The following KLHDC1 variants were observed in gnomAD, a reference collection of about 807,000 sequenced individuals.
The protein encoded by KLHDC1 is kelch domain containing 1.
KLHDC1 carries 53 observed loss-of-function variants against 68.3 expected under a neutral mutation model. The ratio of observed to expected loss-of-function variants is 0.78; its 90% CI spans 0.62 to 0.98. KLHDC1 has a LOEUF of 0.98. KLHDC1 is among the 50% of genes least tolerant of loss of function. The pLI, the probability that KLHDC1 is intolerant of heterozygous loss-of-function variation, is 0.00. For missense variants in KLHDC1, 470 were observed against 492.3 expected, an observed-to-expected ratio of 0.95 and a Z score of 0.43; for synonymous variants, 148 against 159.0, an observed-to-expected ratio of 0.93 and a Z score of 0.52.
Position 49,743,711 on chromosome 14 carries a change from T to C in KLHDC1, c.982-42T>C, listed in dbSNP as rs764254116. On this transcript the variant is annotated intron_variant, in intron 11 of 12. Transcript: ENST00000359332. ...ACATTCAATTATTAACTCATTGTTA[T>C]TTTTATCAAAAACTTAATAATGCCT... The C allele has an allele frequency of 5.8e-6, 7 of 1,209,400 alleles. No individual in the cohort carries two copies. In the African/African-American group the frequency reaches 1.1e-4, roughly 19 times the overall value. 74.9% of individuals were successfully genotyped at this position (1,209,400 alleles called of 1,614,324 possible).
At chr14:49,720,840 T>C (rs541499800) in intron 4 of KLHDC1, among the ~76,000 whole-genome samples, 29 of 152,334 alleles carry the variant, frequency 1.9e-4, no homozygotes, top group African/African-American at 5.5e-4. Context: ...TGTTTTCCAT[T>C]GCTGTGTCAA....
intron 1 of KLHDC1, among the ~76,000 whole-genome samples, chr14:49,699,095 C>T (rs952128407): frequency 8.6e-5 from 12 of 139,496 alleles, no homozygotes; most frequent in African/African-American, 1.9e-4. Flanking sequence ...TCCCAGAAGG[C>T]GGAGGTTGCA....
intron 11 of KLHDC1, among the ~76,000 whole-genome samples, chr14:49,742,289 T>C (rs1889082575): frequency 6.6e-6 from 1 of 152,224 alleles, no homozygotes; most frequent in Non-Finnish European, 1.5e-5. Flanking sequence ...ATTAGATACA[T>C]TTTCTGTGAC....
intron 4 of KLHDC1, among the ~76,000 whole-genome samples, chr14:49,718,769 CTTTTTTTT>C (rs71115397): frequency 4.9e-3 from 374 of 76,798 alleles, no homozygotes; most frequent in African/African-American, 0.017. Flanking sequence ...TTCTTTCTTT[CTTTTTTTT>C]TTTTTTTTTT....
At chr14:49,694,839 G>A (rs1341266586) in intron 1 of KLHDC1, among the ~76,000 whole-genome samples, 4 of 152,194 alleles carry the variant, frequency 2.6e-5, no homozygotes, top group African/African-American at 9.7e-5. Flanking sequence ...GGGCGACAGA[G>A]CGAGACTCCG....
intron 9 of KLHDC1, 135 bp from the exon 10 acceptor site, chr14:49,734,454 T>A (rs1368028836): frequency 2.1e-6 from 1 of 465,554 alleles, no homozygotes; most frequent in East Asian, 3.4e-5. Flanking sequence ...TTTGTAAATG[T>A]TTGAAAATTT....
intron 12 of KLHDC1, among the ~76,000 whole-genome samples, chr14:49,750,272 G>T (rs556832613): frequency 3.9e-5 from 6 of 152,276 alleles, no homozygotes; most frequent in African/African-American, 1.4e-4. Flanking sequence ...GACAATAGAA[G>T]TGCAGTTTCT....
chr14:49,711,055 C>T (rs560914316), intron 4 of KLHDC1, among the ~76,000 whole-genome samples: 34 of 152,166 alleles, frequency 2.2e-4, no homozygotes, highest in African/African-American at 7.5e-4. Context: ...TGCAATGGCA[C>T]GATCTCTGCT....
rs767516173 is a variant in KLHDC1 at position 49,729,498 on chromosome 14, G to A, written c.660G>A (p.Arg220=). The A allele has an allele frequency of 4.0e-5, 64 of 1,608,668 alleles. No individual in the cohort carries two copies. In the Admixed American group the frequency reaches 1.0e-3, roughly 26 times the overall value. The change falls in exon 8 of 13, where the codon AGG becomes AGA. Residue 220 remains arginine, a synonymous_variant. Transcript: ENST00000359332. Reference sequence around the variant, plus strand: ...ACACACTTTTCTTTTAGCAAACTAGGATGAATGATTTGCACTATCTAAACC... The same window carrying A: ...ACACACTTTTCTTTTAGCAAACTAGAATGAATGATTTGCACTATCTAAACC... ...YIFGGRVLQT[R]MNDLHYLNLD...
At chr14:49,693,726 ATATTT>A (rs924318382) in intron 1 of KLHDC1, among the ~76,000 whole-genome samples, 1 of 122,084 alleles carries the variant, frequency 8.2e-6, no homozygotes, top group African/African-American at 2.9e-5. Context: ...AAGCATTTAA[ATATTT>A]ATTTTCTTTT....
chr14:49,711,263 G>A lies in KLHDC1; in HGVS notation c.404+882G>A, dbSNP rs568402131. On this transcript the variant is annotated intron_variant, in intron 4 of 12. Transcript: ENST00000359332. ...GTCGCCTAGGCTGGAGCGCAGTGGC[G>A]CAATCTCGGCTCACTGCAACCTCCA... Among the ~76,000 whole-genome samples, 7 of 151,426 alleles carry A rather than the reference G, an allele frequency of 4.6e-5. No individual in the cohort carries two copies. In the East Asian group the frequency reaches 5.8e-4, roughly 13 times the overall value.
intron 1 of KLHDC1, among the ~76,000 whole-genome samples, chr14:49,706,105 A>G (rs188462138): frequency 4.6e-5 from 7 of 152,232 alleles, no homozygotes. Flanking sequence ...TTTGGTACCC[A>G]TTAGCCATCC....
In KLHDC1 at chr14:49,729,734, A is replaced by T. The variant is rs1888756903; in HGVS notation, c.710+186A>T. ...TAACCAGACAAGATAAAACATGAAA[A>T]TACTAACAGTTGAAATTAGATTATA... is the stretch of plus-strand genomic sequence containing the variant. On this transcript the variant is annotated intron_variant, in intron 8 of 12. Coordinates refer to ENST00000359332, the MANE Select transcript of KLHDC1 (RefSeq NM_172193.3). Among the ~76,000 whole-genome samples the T allele has an allele frequency of 2.0e-5, 3 of 152,238 alleles. No homozygotes were observed. The South Asian group carries it at 6.2e-4, about 32-fold the overall frequency.
At chr14:49,740,642 A>T (rs1889044218) in intron 11 of KLHDC1, among the ~76,000 whole-genome samples, 1 of 152,134 alleles carries the variant, frequency 6.6e-6, no homozygotes, top group Non-Finnish European at 1.5e-5. Flanking sequence ...CCCAGCAAGG[A>T]TGACTGGCTT....
chr14:49,724,828 T>TA (rs970651205), intron 5 of KLHDC1, among the ~76,000 whole-genome samples: 2 of 79,708 alleles, frequency 2.5e-5, no homozygotes, highest in African/African-American at 7.5e-5. Flanking sequence ...ACAAATGGTA[T>TA]TTTTTTTTTT....
Position 49,709,734 on chromosome 14 carries a change from C to T in KLHDC1, c.193C>T (p.Leu65Phe). ...LWRMHLMEGE[L>F]PASMSGSCGA... ...GAGAATGCACCTCATGGAAGGAGAA[C>T]TCCCAGCCTCCATGTCAGGAAGCTG... Residue 65 changes from leucine to phenylalanine, a missense_variant, in exon 3 of 13, where the codon CTC (leucine) becomes TTC (phenylalanine). Transcript: ENST00000359332. The T allele has an allele frequency of 6.2e-7, 1 of 1,600,044 alleles. No individual in the cohort carries two copies. The highest frequency in any genetic ancestry group is 8.5e-7 in the Non-Finnish European group (1 of 1,174,000).
At chr14:49,714,760 G>T (rs898109187) in intron 4 of KLHDC1, among the ~76,000 whole-genome samples, 5 of 150,532 alleles carry the variant, frequency 3.3e-5, no homozygotes, top group Non-Finnish European at 7.4e-5. Context: ...CAAATACTCT[G>T]ACTCATATAC....
At position 49,728,997 on chromosome 14, in the gene KLHDC1, C is replaced by A. The variant is rs149782398; in HGVS notation, c.639C>A (p.Gly213=). ...TTGGAAATAAGGGTTATATCTTTGG[C>A]GGACGTGTTCTGGTTAGTGTTTTTA... ...AVLGNKGYIF[G]GRVLQTRMND... is the part of the protein sequence containing the mutation. Residue 213 remains glycine (G), a synonymous_variant, in exon 7 of 13, where the codon GGC becomes GGA. Coordinates refer to ENST00000359332, the MANE Select transcript of KLHDC1 (RefSeq NM_172193.3). The A allele has an allele frequency of 5.6e-6, 9 of 1,610,668 alleles. No homozygotes were observed. In the African/African-American group the frequency reaches 1.2e-4, roughly 22 times the overall value.
intron 1 of KLHDC1, among the ~76,000 whole-genome samples, chr14:49,705,597 C>T (rs1888031036): frequency 6.6e-6 from 1 of 151,806 alleles, no homozygotes; most frequent in Non-Finnish European, 1.5e-5. Context: ...TCTCGAACTC[C>T]TGACCTTGTG....
Sources: gnomAD v4.1 joint callset for allele counts (sites outside exome capture counted in the v4.1 genomes callset) on GRCh38, gnomAD v4.1.1 for gene constraint, MANE v1.5 for transcripts, NCBI Gene and HGNC (gene_info 2026-07-23, HGNC 2026-07-21) for gene names.